Variants in VAV2 observed in about 807,000 individuals in gnomAD.
VAV2 encodes guanine nucleotide exchange factor VAV2.
In VAV2, 67 loss-of-function variants were observed where a neutral mutation model predicts 132.5. The ratio of observed to expected loss-of-function variants is 0.51; its 90% CI spans 0.42 to 0.62. VAV2 has a LOEUF of 0.62. Among genes scored for constraint, VAV2 ranks in the 20% least tolerant of loss-of-function variants. VAV2 has a pLI of 0.00. For missense variants in VAV2, 938 were observed against 1,153.6 expected (o/e 0.81, Z 2.71); for synonymous variants, 492 against 443.5 (o/e 1.11, Z -1.37).
At chr9:133,785,325 A>G (rs2131603100) in intron 17 of VAV2, among the ~76,000 whole-genome samples, 1 of 152,304 alleles carries the variant, frequency 6.6e-6, no homozygotes, top group East Asian at 1.9e-4. Flanking sequence ...TCACATATCT[A>G]GGATATGAGT....
chr9:133,909,371 A>G (rs2132037966), intron 2 of VAV2, among the ~76,000 whole-genome samples: 1 of 152,312 alleles, frequency 6.6e-6, no homozygotes, highest in South Asian at 2.1e-4. Context: ...TCGCACTGCT[A>G]ACTGTGGGAG....
chr9:133,829,077 C>T (rs188034284), intron 4 of VAV2, among the ~76,000 whole-genome samples: 1 of 152,316 alleles, frequency 6.6e-6, no homozygotes, highest in Admixed American at 6.5e-5. Flanking sequence ...AGGCTGGGAG[C>T]CCCCCAGTGC....
At position 133,857,953 on chromosome 9, in the gene VAV2, G is replaced by A. The variant is rs1428145126; in HGVS notation, c.380+3421C>T. On this transcript the variant is annotated intron_variant, in intron 3 of 29. Transcript: ENST00000371850. The surrounding 1 kb of genome is among the most constrained non-coding windows in gnomAD (Gnocchi z 4.0). The stretch of plus-strand genomic sequence containing the variant: ...GTCTTCCTGCAAAGCCTCGCTCTGC[G>A]CCCAGGAGGCCCTTCCCTTTGGCCT... 2.0e-5 allele frequency among the ~76,000 whole-genome samples: 3 copies of A among 152,206 alleles called. No individual in the cohort carries two copies. Among genetic ancestry groups the A allele is most frequent in the Admixed American group, 6.5e-5 (1 of 15,282 alleles).
Position 133,762,267 on chromosome 9 carries a change from CATG to C in VAV2, c.*1792_*1794del, listed in dbSNP as rs1455439765. 1.3e-5 allele frequency: 2 copies of C among 152,624 alleles called. No homozygotes were observed. The highest frequency in any genetic ancestry group is 6.5e-5 in the Admixed American group (1 of 15,286). The allele number at this position is 152,624 out of a possible 1,614,324, so 9.5% of individuals were successfully genotyped here. Reference sequence around the variant, plus strand: ...ATTTTTTCTCAGTGTCCTTCGTGATCATGATGACTTATTTGTCAACAAACTAAA... The same window carrying C: ...ATTTTTTCTCAGTGTCCTTCGTGATCATGACTTATTTGTCAACAAACTAAA... On this transcript the variant is annotated 3_prime_UTR_variant, in exon 30 of 30. Transcript: ENST00000371850. The surrounding 1 kb of genome is among the most constrained non-coding windows in gnomAD (Gnocchi z 5.0).
intron 1 of VAV2, among the ~76,000 whole-genome samples, chr9:133,942,701 GATGGGCCCAGCGCACCCCTTTCCC>G (rs1402761086): frequency 6.6e-6 from 1 of 152,228 alleles, no homozygotes; most frequent in African/African-American, 2.4e-5. Context: ...TCGGGCACAG[GATGGGCCCAGCGCACCCCTTTCCC>G]ATGGGCCCAG....
At position 133,804,396 on chromosome 9, in the gene VAV2, C is replaced by T. The variant is rs965891853; in HGVS notation, c.836+1685G>A. 6.6e-6 allele frequency among the ~76,000 whole-genome samples: 1 copy of T among 152,258 alleles called. No individual in the cohort carries two copies. Among genetic ancestry groups the T allele is most frequent in the Non-Finnish European group, 1.5e-5 (1 of 68,050 alleles). On this transcript the variant is annotated intron_variant, in intron 9 of 29. Transcript: ENST00000371850. This position sits in a 1 kb window ranked among gnomAD's most constrained non-coding sequence, Gnocchi z 4.5. ...CCTGTGACTGGACGTGCTGCCCGCA[C>T]TGCAGTGGCGCTCCAAGGCAGAGAT...
Position 133,883,321 on chromosome 9 carries a change from C to A in VAV2, c.322-21889G>T, listed in dbSNP as rs563607678. On this transcript the variant is annotated intron_variant, in intron 2 of 29. Coordinates refer to ENST00000371850, the MANE Select transcript of VAV2 (RefSeq NM_001134398.2). The surrounding 1 kb of genome is among the most constrained non-coding windows in gnomAD (Gnocchi z 4.2). ...CCACAGAGGAGCGAAGGCGCAGAGA[C>A]CCATCCGTTGAGACAGCCTCCCTGC... Among the ~76,000 whole-genome samples the A allele has an allele frequency of 6.6e-6, 1 of 152,238 alleles. No homozygotes were observed. Among genetic ancestry groups the A allele is most frequent in the Non-Finnish European group, 1.5e-5 (1 of 68,048 alleles).
intron 2 of VAV2, among the ~76,000 whole-genome samples, chr9:133,894,850 G>T (rs1315504771): frequency 1.3e-5 from 2 of 152,186 alleles, no homozygotes; most frequent in African/African-American, 4.8e-5. Flanking sequence ...ATGACGCTAT[G>T]ACCCTAGGCA....
At chr9:133,805,829 A>C (rs1835114887) in intron 9 of VAV2, among the ~76,000 whole-genome samples, 1 of 152,218 alleles carries the variant, frequency 6.6e-6, no homozygotes, top group Admixed American at 6.5e-5. Context: ...TCTCACAGCC[A>C]GTTAGAAACA....
intron 2 of VAV2, among the ~76,000 whole-genome samples, chr9:133,865,627 T>C (rs1837767014): frequency 6.6e-6 from 1 of 152,252 alleles, no homozygotes. Flanking sequence ...CTTCTTTTCT[T>C]TTGCATTCTG....
intron 2 of VAV2, among the ~76,000 whole-genome samples, chr9:133,916,892 G>T: frequency 6.6e-6 from 1 of 152,246 alleles, no homozygotes; most frequent in Admixed American, 6.5e-5. Context: ...TGTGACCCAT[G>T]GCCACTCACC....
chr9:133,809,359 G>A (rs958237174), intron 6 of VAV2, among the ~76,000 whole-genome samples: 1 of 152,222 alleles, frequency 6.6e-6, no homozygotes, highest in African/African-American at 2.4e-5. Flanking sequence ...GGGAGGGGAT[G>A]TGACGTGGGG....
chr9:133,872,216 C>T (rs970330786), intron 2 of VAV2, among the ~76,000 whole-genome samples: 1 of 151,096 alleles, frequency 6.6e-6, no homozygotes, highest in African/African-American at 2.5e-5. Context: ...TGGCCGACCC[C>T]AAGAGGGAAG....
chr9:133,940,672 C>CGTGTGTGTGTGTGTGTGTGTGT (rs60265901), intron 1 of VAV2, among the ~76,000 whole-genome samples: 59 of 139,350 alleles, frequency 4.2e-4, no homozygotes, highest in Non-Finnish European at 8.0e-4. Context: ...TGTCCACGTG[C>CGTGTGTGTGTGTGTGTGTGTGT]GTGTGTGTGT....
In VAV2 at chr9:133,857,256, G is replaced by A. The variant is rs963327174; in HGVS notation, c.380+4118C>T. 5.9e-5 allele frequency among the ~76,000 whole-genome samples: 9 copies of A among 152,030 alleles called. No homozygotes were observed. The highest frequency in any genetic ancestry group is 1.2e-4 in the African/African-American group (5 of 41,398). On this transcript the variant is annotated intron_variant, in intron 3 of 29. Coordinates refer to ENST00000371850, the MANE Select transcript of VAV2 (RefSeq NM_001134398.2). This position sits in a 1 kb window ranked among gnomAD's most constrained non-coding sequence, Gnocchi z 4.0. Reference sequence around the variant, plus strand: ...CACAGCAAGACCCACATCCCCACACGCCTCGCTGGGTGCCTTCCACAAACC... The same window carrying A: ...CACAGCAAGACCCACATCCCCACACACCTCGCTGGGTGCCTTCCACAAACC...
Position 133,919,409 on chromosome 9 carries a change from T to A in VAV2, c.321+19694A>T, listed in dbSNP as rs1032214012. ...GGGAGCTGCAGACCATAATCTCTGC[T>A]TCACTGGGTGGGGCCTCCTCACTGG... is the stretch of plus-strand genomic sequence containing the variant. On this transcript the variant is annotated intron_variant, in intron 2 of 29. Coordinates refer to ENST00000371850, the MANE Select transcript of VAV2 (RefSeq NM_001134398.2). This position sits in a 1 kb window ranked among gnomAD's most constrained non-coding sequence, Gnocchi z 5.8. Among the ~76,000 whole-genome samples the A allele has an allele frequency of 6.6e-6, 1 of 152,170 alleles. No individual in the cohort carries two copies. Among genetic ancestry groups the A allele is most frequent in the East Asian group, 1.9e-4 (1 of 5,182 alleles).
chr9:133,924,240 GT>G (rs1840393444), intron 2 of VAV2, among the ~76,000 whole-genome samples: 1 of 152,148 alleles, frequency 6.6e-6, no homozygotes, highest in Non-Finnish European at 1.5e-5. Context: ...TGGAAGTGCA[GT>G]GGTATATCTC....
At chr9:133,964,026 T>TGTAC (rs71499169) in intron 1 of VAV2, among the ~76,000 whole-genome samples, 13,349 of 75,552 alleles carry the variant, frequency 0.18, 1,502 homozygotes, top group South Asian at 0.27. Context: ...TTCATTCATA[T>TGTAC]ATATATATAT....
intron 16 of VAV2, among the ~76,000 whole-genome samples, chr9:133,786,422 G>T (rs1834228109): frequency 6.6e-6 from 1 of 152,236 alleles, no homozygotes; most frequent in Non-Finnish European, 1.5e-5. Flanking sequence ...GCCTGGGCAG[G>T]TCTGCACTCC....
Sources: gnomAD v4.1 joint callset for allele counts (sites outside exome capture counted in the v4.1 genomes callset) on GRCh38, gnomAD v4.1.1 for gene constraint, Gnocchi (gnomAD v3.1) non-coding constraint, MANE v1.5 for transcripts, NCBI Gene and HGNC (gene_info 2026-07-23, HGNC 2026-07-21) for gene names.